VIPR2: variants seen among roughly 807,000 people sequenced by gnomAD.
The protein encoded by VIPR2 is vasoactive intestinal peptide receptor 2.
Under a neutral mutation model 58.0 loss-of-function variants are expected in VIPR2, and 48 were observed. That is an observed-to-expected ratio of 0.83 (90% CI 0.66 to 1.05). VIPR2 has a LOEUF of 1.05. Among genes scored for constraint, VIPR2 ranks in the 50% least tolerant of loss-of-function variants. The pLI is 0.00. For missense variants in VIPR2, 534 were observed against 558.0 expected (o/e 0.96, Z 0.43); for synonymous variants, 243 against 235.2 (o/e 1.03, Z -0.30).
rs540052847 is a variant in VIPR2 at position 159,138,097 on chromosome 7, A to G, written c.151+4349T>C. Among the ~76,000 whole-genome samples the G allele has an allele frequency of 2.5e-4, 38 of 152,296 alleles. 1 individual carries two copies. The highest frequency in any genetic ancestry group is 1.2e-3 in the South Asian group (6 of 4,818). On this transcript the variant is annotated intron_variant, in intron 2 of 12. Coordinates refer to ENST00000262178, the MANE Select transcript of VIPR2 (RefSeq NM_003382.5). ...ACCACGAACAGCGAGCTCCCACCAG[A>G]GCTCCAGCTCCCGCAGCAGAGGGCA...
chr7:159,132,882 C>CCG (rs1797008554), intron 2 of VIPR2, among the ~76,000 whole-genome samples: 3 of 121,656 alleles, frequency 2.5e-5, no homozygotes, highest in East Asian at 2.2e-4. Context: ...GATTGGCATA[C>CCG]AGATTGATTT....
chr7:159,066,530 T>C (rs1856104733), intron 4 of VIPR2, among the ~76,000 whole-genome samples: 1 of 152,248 alleles, frequency 6.6e-6, no homozygotes. Flanking sequence ...CAGGGCACCA[T>C]CCCGTGGATT....
chr7:159,141,288 G>A (rs1797454586), intron 2 of VIPR2, among the ~76,000 whole-genome samples: 1 of 152,272 alleles, frequency 6.6e-6, no homozygotes, highest in Non-Finnish European at 1.5e-5. Flanking sequence ...AGACAATCTG[G>A]AAGATGGGCC....
chr7:159,060,328 A>AC (rs1855574511), intron 4 of VIPR2, among the ~76,000 whole-genome samples: 1 of 148,574 alleles, frequency 6.7e-6, no homozygotes, highest in African/African-American at 2.5e-5. Flanking sequence ...CCTAACCATG[A>AC]CCCTCACCTC....
At chr7:159,038,107 T>C (rs1200986772) in intron 6 of VIPR2, among the ~76,000 whole-genome samples, 1 of 152,196 alleles carries the variant, frequency 6.6e-6, no homozygotes, top group Non-Finnish European at 1.5e-5. Flanking sequence ...TATGGGTGGA[T>C]ATACTTTCAT....
intron 4 of VIPR2, among the ~76,000 whole-genome samples, chr7:159,089,534 A>T (rs1408143628): frequency 6.6e-6 from 1 of 152,274 alleles, no homozygotes; most frequent in African/African-American, 2.4e-5. Flanking sequence ...AATTTCATGT[A>T]AAGTGCTTAG....
chr7:159,094,888 A>T (rs985371952), intron 4 of VIPR2, among the ~76,000 whole-genome samples: 12 of 152,294 alleles, frequency 7.9e-5, no homozygotes, highest in African/African-American at 2.9e-4. Flanking sequence ...TCATGCACAG[A>T]GTTTAGGATT....
In VIPR2 at chr7:159,144,791, G is replaced by A; in HGVS notation, c.-20C>T. On this transcript the variant is annotated 5_prime_UTR_variant, in exon 1 of 13. Coordinates refer to ENST00000262178, the MANE Select transcript of VIPR2 (RefSeq NM_003382.5). ...CCGCATCCCGAGCTCAGCGTGCCGGGGGCCGCCCAGCGCCCGCCGCCTCCG... is the reference window on the plus strand; with the variant it reads ...CCGCATCCCGAGCTCAGCGTGCCGGAGGCCGCCCAGCGCCCGCCGCCTCCG... 8.0e-7 allele frequency: 1 copy of A among 1,244,060 alleles called. No individual in the cohort carries two copies. The highest frequency in any genetic ancestry group is 1.0e-6 in the Non-Finnish European group (1 of 995,494). The allele number at this position is 1,244,060 out of a possible 1,614,324, so 77.1% of individuals were successfully genotyped here. A position where few individuals can be genotyped will look rare whatever the true frequency, so the allele number is the denominator to read the frequency against.
intron 2 of VIPR2, among the ~76,000 whole-genome samples, chr7:159,110,590 C>CCT (rs1554517347): frequency 6.6e-6 from 1 of 152,232 alleles, no homozygotes; most frequent in Non-Finnish European, 1.5e-5. Flanking sequence ...AAACCCAGGA[C>CCT]TTTCCTACTT....
At position 159,127,246 on chromosome 7, in the gene VIPR2, GC is replaced by G. The variant is rs1362954554; in HGVS notation, c.151+15199del. 6.6e-6 allele frequency among the ~76,000 whole-genome samples: 1 copy of G among 152,126 alleles called. No individual in the cohort carries two copies. Among genetic ancestry groups the G allele is most frequent in the African/African-American group, 2.4e-5 (1 of 41,408 alleles). The stretch of plus-strand genomic sequence containing the variant: ...GGGAAACGCCATCTCCTGGGACACC[GC>G]CCTTAGGAGGCACCTGGAAACTGGA... On this transcript the variant is annotated intron_variant, in intron 2 of 12. Coordinates refer to ENST00000262178, the MANE Select transcript of VIPR2 (RefSeq NM_003382.5). This position sits in a 1 kb window ranked among gnomAD's most constrained non-coding sequence, Gnocchi z 4.6.
chr7:159,101,713 T>C (rs1315652476), intron 4 of VIPR2, among the ~76,000 whole-genome samples: 8 of 143,500 alleles, frequency 5.6e-5, no homozygotes, highest in Non-Finnish European at 6.0e-5. Flanking sequence ...CGGTTCCGAC[T>C]GTTCCTGTGG....
At chr7:159,052,769 T>G (rs1413569331) in intron 5 of VIPR2, among the ~76,000 whole-genome samples, 1 of 152,154 alleles carries the variant, frequency 6.6e-6, no homozygotes, top group East Asian at 1.9e-4. Flanking sequence ...TATTTCAAAT[T>G]AAATGAACAA....
chr7:159,029,036 G>A lies in VIPR2; in HGVS notation c.*1580C>T, dbSNP rs1380118446. The stretch of plus-strand genomic sequence containing the variant: ...GCTTTGCTGTCCTAACAGCCCCTCT[G>A]TCCGGCCTCATTTTACCGGGGATAT... On this transcript the variant is annotated 3_prime_UTR_variant, in exon 13 of 13. Coordinates refer to ENST00000262178, the MANE Select transcript of VIPR2 (RefSeq NM_003382.5). 1.3e-5 allele frequency: 2 copies of A among 152,288 alleles called. No homozygotes were observed. Among genetic ancestry groups the A allele is most frequent in the Non-Finnish European group, 1.5e-5 (1 of 68,106 alleles). 9.4% of individuals were successfully genotyped at this position (152,288 alleles called of 1,614,324 possible).
intron 2 of VIPR2, among the ~76,000 whole-genome samples, chr7:159,132,524 C>G (rs1381411548): frequency 1.3e-5 from 2 of 152,244 alleles, no homozygotes; most frequent in Non-Finnish European, 2.9e-5. Context: ...TCATCAGAAT[C>G]CATGGAGTCT....
intron 2 of VIPR2, among the ~76,000 whole-genome samples, chr7:159,118,591 G>C (rs550641487): frequency 6.6e-6 from 1 of 152,198 alleles, no homozygotes. Context: ...AAACGTAGCC[G>C]CCATTCAATG....
chr7:159,037,284 C>T (rs1042013371), intron 6 of VIPR2, among the ~76,000 whole-genome samples: 2 of 152,244 alleles, frequency 1.3e-5, no homozygotes, highest in African/African-American at 2.4e-5. Flanking sequence ...CGGGAACCCC[C>T]GCAGTGGTCC....
chr7:159,133,235 G>C (rs1268623770), intron 2 of VIPR2, among the ~76,000 whole-genome samples: 1 of 152,310 alleles, frequency 6.6e-6, no homozygotes, highest in African/African-American at 2.4e-5. Context: ...AGCCACCTGA[G>C]GCTGAAGAGG....
At position 159,031,955 on chromosome 7, in the gene VIPR2, A is replaced by T. The variant is rs749590202; in HGVS notation, c.1084T>A (p.Cys362Ser). 16 of 1,614,192 alleles carry T rather than the reference A, an allele frequency of 9.9e-6. No homozygotes were observed. Among genetic ancestry groups the T allele is most frequent in the East Asian group, 4.5e-5 (2 of 44,866 alleles). The change falls in exon 11 of 13, where the codon TGC becomes AGC. Residue 362 changes from cysteine to serine, a missense_variant. Cys to Ser is a moderately radical substitution (Grantham distance 112). Around this residue, in one of 3 missense-constraint regions of VIPR2, gnomAD observed 306 missense variants for 285.8 expected, o/e 1.07. Coordinates refer to ENST00000262178, the MANE Select transcript of VIPR2 (RefSeq NM_003382.5). The surrounding 1 kb of genome is among the most constrained non-coding windows in gnomAD (Gnocchi z 4.0). ...ACACCTACCTGGAACGACCCGAGGC[A>T]CAGCTCAAACAGTATCTGGTATTTG... is the stretch of plus-strand genomic sequence containing the variant. ...SSKYQILFELCLGSFQGLVVA... is the reference protein window; with the variant it reads ...SSKYQILFELSLGSFQGLVVA...
At chr7:159,104,865 G>A (rs550335980) in intron 3 of VIPR2, among the ~76,000 whole-genome samples, 1 of 144,814 alleles carries the variant, frequency 6.9e-6, no homozygotes, top group Non-Finnish European at 1.5e-5. Flanking sequence ...CACCACCAAC[G>A]GTGACCTGGT....
Sources: allele counts gnomAD v4.1 joint callset (sites outside exome capture counted in the v4.1 genomes callset), GRCh38; gene constraint gnomAD v4.1.1; regional missense constraint gnomAD v4.1.1; non-coding constraint Gnocchi (gnomAD v3.1); transcripts MANE v1.5; gene names NCBI Gene and HGNC (gene_info 2026-07-23, HGNC 2026-07-21).